Variants in B3GLCT observed in about 807,000 individuals in gnomAD.
B3GLCT encodes the protein beta-1,3-glucosyltransferase.
In B3GLCT, 65 loss-of-function variants were observed where a neutral mutation model predicts 63.4. The ratio of observed to expected loss-of-function variants is 1.03; its 90% CI spans 0.84 to 1.26. B3GLCT has a LOEUF of 1.26. Ranked by LOEUF, B3GLCT falls within the 50% of genes most tolerant of loss-of-function variation. The pLI is 0.00. For synonymous variants in B3GLCT, 233 were observed against 219.2 expected (o/e 1.06, Z -0.55); for missense variants, 577 against 604.8 (o/e 0.95, Z 0.48).
chr13:31,224,778 A>T (rs2137762474), intron 3 of B3GLCT, among the ~76,000 whole-genome samples: 1 of 152,304 alleles, frequency 6.6e-6, no homozygotes, highest in East Asian at 1.9e-4. Flanking sequence ...ACTTTAAATC[A>T]TAAGGCTGCT....
intron 1 of B3GLCT, among the ~76,000 whole-genome samples, chr13:31,201,006 AAG>A (rs1156991894): frequency 3.1e-5 from 3 of 95,860 alleles, no homozygotes; most frequent in Admixed American, 1.2e-4. Context: ...GATGTGATAA[AAG>A]TTAAAAAAAA....
At chr13:31,222,837 T>C in intron 2 of B3GLCT, 115 bp from the exon 3 acceptor site, 2 of 757,756 alleles carry the variant, frequency 2.6e-6, no homozygotes, top group East Asian at 2.6e-5. Context: ...GCTCCGTTTT[T>C]CAAATCTTCC....
At position 31,227,832 on chromosome 13, in the gene B3GLCT, G is replaced by A. The variant is rs1870177032; in HGVS notation, c.161-1353G>A. On this transcript the variant is annotated intron_variant, in intron 3 of 14. Transcript: ENST00000343307. The stretch of plus-strand genomic sequence containing the variant: ...TGAGGTGTTAAAGAGAAAGATTCAT[G>A]GTGGGGGAAAGGTCCCCACATGGCT... Among the ~76,000 whole-genome samples, 2 of 152,198 alleles carry A rather than the reference G, an allele frequency of 1.3e-5. 1 individual carries two copies.
intron 10 of B3GLCT, among the ~76,000 whole-genome samples, chr13:31,277,265 G>A (rs1187153946): frequency 6.6e-6 from 1 of 152,024 alleles, no homozygotes; most frequent in Non-Finnish European, 1.5e-5. Context: ...TATTGGAGAA[G>A]AAGAAAAAGC....
chr13:31,312,055 G>T (rs1474052646), intron 12 of B3GLCT, among the ~76,000 whole-genome samples: 1 of 152,202 alleles, frequency 6.6e-6, no homozygotes, highest in Non-Finnish European at 1.5e-5. Context: ...GCAAGGAAAA[G>T]ACTTTGATGT....
At chr13:31,203,289 A>T (rs761644532) in intron 1 of B3GLCT, among the ~76,000 whole-genome samples, 1 of 152,208 alleles carries the variant, frequency 6.6e-6, no homozygotes, top group Non-Finnish European at 1.5e-5. Context: ...TATTACTGGC[A>T]CAGATTTTAA....
At chr13:31,328,068 C>T (rs758646720) in intron 14 of B3GLCT, among the ~76,000 whole-genome samples, 3 of 152,182 alleles carry the variant, frequency 2.0e-5, no homozygotes, top group Non-Finnish European at 4.4e-5. Flanking sequence ...TCTCTGGTCT[C>T]TATTCCAGTG....
chr13:31,235,212 G>C (rs1870587273), intron 4 of B3GLCT, among the ~76,000 whole-genome samples: 2 of 152,138 alleles, frequency 1.3e-5, no homozygotes, highest in South Asian at 4.1e-4. Flanking sequence ...ATTGAGGACA[G>C]GTTCTCAGGT....
intron 10 of B3GLCT, among the ~76,000 whole-genome samples, chr13:31,281,640 T>C (rs995462940): frequency 5.3e-5 from 8 of 152,288 alleles, no homozygotes; most frequent in Admixed American, 4.6e-4. Context: ...CCTCAGTCTT[T>C]AAAATGAGGA....
At chr13:31,207,287 A>T (rs1359501143) in intron 1 of B3GLCT, among the ~76,000 whole-genome samples, 3 of 148,790 alleles carry the variant, frequency 2.0e-5, no homozygotes, top group Non-Finnish European at 3.0e-5. Context: ...TAAACTGCTA[A>T]TTTTTTTTTT....
intron 1 of B3GLCT, among the ~76,000 whole-genome samples, chr13:31,206,191 G>A (rs903495095): frequency 1.3e-5 from 2 of 152,198 alleles, no homozygotes; most frequent in Non-Finnish European, 2.9e-5. Flanking sequence ...TTGAGTTCCT[G>A]TCTAGTTGCC....
At chr13:31,227,936 G>A (rs183166412) in intron 3 of B3GLCT, among the ~76,000 whole-genome samples, 4 of 152,350 alleles carry the variant, frequency 2.6e-5, no homozygotes, top group Admixed American at 2.0e-4. Flanking sequence ...GCAGGGTGCT[G>A]ACACAATCAC....
At chr13:31,203,994 G>C (rs1459587685) in intron 1 of B3GLCT, among the ~76,000 whole-genome samples, 1 of 152,162 alleles carries the variant, frequency 6.6e-6, no homozygotes, top group African/African-American at 2.4e-5. Context: ...TGTGTGTCAG[G>C]CATCGTGATA....
At chr13:31,240,491 T>TTA (rs1555247684) in intron 4 of B3GLCT, among the ~76,000 whole-genome samples, 4 of 150,218 alleles carry the variant, frequency 2.7e-5, no homozygotes, top group Non-Finnish European at 4.4e-5. Flanking sequence ...TTTTTTTTTT[T>TTA]ATATTAAAAA....
At chr13:31,316,407 T>TTTTATATATATA (rs1239451482) in intron 12 of B3GLCT, among the ~76,000 whole-genome samples, 3,342 of 41,136 alleles carry the variant, frequency 0.081, 300 homozygotes, top group East Asian at 0.24. Context: ...TTTGGAGGTT[T>TTTTATATATATA]TATATATATA....
intron 1 of B3GLCT, among the ~76,000 whole-genome samples, chr13:31,204,074 G>A (rs1262881654): frequency 6.6e-6 from 1 of 152,226 alleles, no homozygotes; most frequent in African/African-American, 2.4e-5. Flanking sequence ...GCAAGGTGAT[G>A]TTAAGCAGTA....
At chr13:31,240,681 C>T (rs1870897414) in intron 4 of B3GLCT, among the ~76,000 whole-genome samples, 1 of 151,840 alleles carries the variant, frequency 6.6e-6, no homozygotes, top group Non-Finnish European at 1.5e-5. Context: ...TGATTTATTG[C>T]CTCAGCTTTT....
intron 12 of B3GLCT, among the ~76,000 whole-genome samples, chr13:31,314,043 G>A (rs1403416536): frequency 6.6e-6 from 1 of 152,312 alleles, no homozygotes; most frequent in East Asian, 1.9e-4. Context: ...GAGCCTGCGG[G>A]TACACAGAAG....
chr13:31,310,111 C>T lies in B3GLCT; in HGVS notation c.1065-7455C>T, dbSNP rs576352835. ...GCCAGGAGTGAGAACTTCCTCGATG[C>T]CTTTTAGCTAATCAAATGGTGCTTT... On this transcript the variant is annotated intron_variant, in intron 12 of 14. Transcript: ENST00000343307. Among the ~76,000 whole-genome samples the T allele has an allele frequency of 5.9e-5, 9 of 152,208 alleles. No individual in the cohort carries two copies. In the East Asian group the frequency reaches 1.7e-3, roughly 29 times the overall value.
Sources: gnomAD v4.1 joint callset for allele counts (sites outside exome capture counted in the v4.1 genomes callset) on GRCh38, gnomAD v4.1.1 for gene constraint, MANE v1.5 for transcripts, NCBI Gene and HGNC (gene_info 2026-07-23, HGNC 2026-07-21) for gene names.